Variants in APC observed in about 807,000 individuals in gnomAD.
APC encodes adenomatous polyposis coli protein.
Under a neutral mutation model 247.0 loss-of-function variants are expected in APC, and 72 were observed. The ratio of observed to expected loss-of-function variants is 0.29; its 90% CI spans 0.24 to 0.35. The LOEUF (loss-of-function observed/expected upper bound fraction) is 0.35. APC is among the 10% of genes least tolerant of loss of function. The probability of loss-of-function intolerance (pLI) is 1.00; values close to 1 mark genes in which losing one functional copy is unlikely to be tolerated. For missense variants in APC, 3,400 were observed against 3,360.7 expected (o/e 1.01, Z -0.29); for synonymous variants, 1,254 against 1,162.5 (o/e 1.08, Z -1.60).
At chr5:112,755,245 A>G (rs951108016) in intron 2 of APC, among the ~76,000 whole-genome samples, 2 of 152,242 alleles carry the variant, frequency 1.3e-5, no homozygotes, top group African/African-American at 4.8e-5. Context: ...TCCAATGGCT[A>G]GTTAGTTCTT....
At position 112,842,748 on chromosome 5, in the gene APC, C is replaced by T. The variant is rs1482227229; in HGVS notation, c.7154C>T (p.Ser2385Phe). ...AACCTTACCAAACAAACAGGTTTATCCAAGAATGCCAGTAGTATTCCAAGA... is the reference window on the plus strand; with the variant it reads ...AACCTTACCAAACAAACAGGTTTATTCAAGAATGCCAGTAGTATTCCAAGA... The part of the protein sequence containing the change: ...QQNLTKQTGL[S>F]KNASSIPRSE... Residue 2385 changes from serine to phenylalanine, a missense_variant, in exon 16 of 16, where the codon TCC (serine) becomes TTC (phenylalanine). This residue lies in a region of APC where 1,788 missense variants were observed against 1,649.5 expected (regional missense o/e 1.08). Coordinates refer to ENST00000257430, the MANE Select transcript of APC (RefSeq NM_000038.6). 1 of 1,613,926 alleles carries T rather than the reference C, an allele frequency of 6.2e-7. No homozygotes were observed. Among genetic ancestry groups the T allele is most frequent in the Admixed American group, 1.7e-5 (1 of 60,012 alleles).
intron 9 of APC, among the ~76,000 whole-genome samples, chr5:112,817,026 G>A (rs1227637632): frequency 6.6e-6 from 1 of 151,464 alleles, no homozygotes; most frequent in Non-Finnish European, 1.5e-5. Flanking sequence ...GTGCCACCAT[G>A]CCCGGCTAAT....
chr5:112,756,634 C>T (rs374360858), intron 2 of APC, among the ~76,000 whole-genome samples: 2 of 152,194 alleles, frequency 1.3e-5, no homozygotes, highest in South Asian at 2.1e-4. Flanking sequence ...ACTCTGAGAT[C>T]TCTTTTTTAA....
intron 4 of APC, among the ~76,000 whole-genome samples, chr5:112,774,726 C>T (rs1003430542): frequency 6.6e-6 from 1 of 152,006 alleles, no homozygotes; most frequent in African/African-American, 2.4e-5. Flanking sequence ...ATCCACCTGC[C>T]TCGGCTTCCC....
At chr5:112,794,930 C>T (rs1013045688) in intron 7 of APC, among the ~76,000 whole-genome samples, 11 of 152,122 alleles carry the variant, frequency 7.2e-5, no homozygotes, top group Non-Finnish European at 1.2e-4. Context: ...GGGGCAAGGC[C>T]TAAGGAAGGG....
chr5:112,724,900 T>G (rs1475266552), intron 1 of APC, among the ~76,000 whole-genome samples: 1 of 152,186 alleles, frequency 6.6e-6, no homozygotes. Context: ...GACTTTTACT[T>G]TGTCACTGTT....
chr5:112,838,255 T>A lies in APC; in HGVS notation c.2661T>A (p.Ile887=). The A allele has an allele frequency of 6.2e-7, 1 of 1,614,196 alleles. No homozygotes were observed. Among genetic ancestry groups the A allele is most frequent in the Non-Finnish European group, 8.5e-7 (1 of 1,180,040 alleles). Residue 887 remains isoleucine (I), a synonymous_variant, in exon 16 of 16, where the codon ATT becomes ATA. Transcript: ENST00000257430. Reference sequence around the variant, plus strand: ...AGATCTCCACCACTGCAGCCCAGATTGCCAAAGTCATGGAAGAAGTGTCAG... The same window carrying A: ...AGATCTCCACCACTGCAGCCCAGATAGCCAAAGTCATGGAAGAAGTGTCAG... The part of the protein sequence containing the change: ...GLQISTTAAQ[I]AKVMEEVSAI...
intron 1 of APC, among the ~76,000 whole-genome samples, chr5:112,753,178 G>A (rs897644305): frequency 6.6e-6 from 1 of 152,072 alleles, no homozygotes; most frequent in African/African-American, 2.4e-5. Flanking sequence ...GGTTTATAAT[G>A]TGCTGGGTAT....
chr5:112,719,543 T>TC (rs908652051), intron 1 of APC, among the ~76,000 whole-genome samples: 1 of 144,616 alleles, frequency 6.9e-6, no homozygotes, highest in Non-Finnish European at 1.5e-5. Flanking sequence ...TAATAATTCT[T>TC]TTTTTTTTTT....
chr5:112,738,510 A>G (rs1253166576), intron 1 of APC: 11 of 985,366 alleles, frequency 1.1e-5, no homozygotes, highest in Non-Finnish European at 1.3e-5. Flanking sequence ...ACTGGTCACC[A>G]GTAGTGTGCC....
rs1166730302 is a variant in APC at position 112,842,595 on chromosome 5, A to G, written c.7001A>G (p.Asn2334Ser). 1 of 1,613,834 alleles carries G rather than the reference A, an allele frequency of 6.2e-7. No homozygotes were observed. Residue 2334 changes from asparagine to serine, a missense_variant, in exon 16 of 16, where the codon AAT (asparagine) becomes AGT (serine). Transcript: ENST00000257430. ...CGAAACTCAATTTCCCCTGGTAGAA[A>G]TGGAATAAGTCCTCCTAACAAATTA... is the stretch of plus-strand genomic sequence containing the variant. ...PGRNSISPGR[N>S]GISPPNKLSQ... is the part of the protein sequence containing the mutation.
In APC at chr5:112,840,650, A is replaced by G; in HGVS notation, c.5056A>G (p.Lys1686Glu). Residue 1686 changes from lysine to glutamate, a missense_variant, in exon 16 of 16, where the codon AAA becomes GAA. By Grantham distance (56) the Lys-to-Glu change is moderately conservative. Around this residue, in one of 9 missense-constraint regions of APC, gnomAD observed 1,788 missense variants for 1,649.5 expected, o/e 1.08. Coordinates refer to ENST00000257430, the MANE Select transcript of APC (RefSeq NM_000038.6). The surrounding 1 kb of genome is among the most constrained non-coding windows in gnomAD (Gnocchi z 4.1). ...RGGAQSGEFEKRDTIPTEGRS... is the reference protein window; with the variant it reads ...RGGAQSGEFEERDTIPTEGRS... ...AGGGGCACAGTCAGGTGAATTTGAA[A>G]AACGAGATACCATTCCTACAGAAGG... is the stretch of plus-strand genomic sequence containing the variant. 4.3e-6 allele frequency: 7 copies of G among 1,614,022 alleles called. No homozygotes were observed. Among genetic ancestry groups the G allele is most frequent in the Non-Finnish European group, 5.9e-6 (7 of 1,179,948 alleles).
At chr5:112,799,310 A>T (rs1043798298) in intron 7 of APC, among the ~76,000 whole-genome samples, 1 of 151,972 alleles carries the variant, frequency 6.6e-6, no homozygotes, top group South Asian at 2.1e-4. Flanking sequence ...ATCCTCCCTC[A>T]GTATTACCTA....
Position 112,844,324 on chromosome 5 carries a change from G to A in APC, c.*198G>A, listed in dbSNP as rs935278419. On this transcript the variant is annotated 3_prime_UTR_variant, in exon 16 of 16. Transcript: ENST00000257430. ...TCTTATTTTGGGAGGCACTCTTGAT[G>A]GTTAGGAAAAAAATAGTAAAGCCAA... 1.7e-6 allele frequency: 1 copy of A among 588,806 alleles called. No homozygotes were observed. Among genetic ancestry groups the A allele is most frequent in the African/African-American group, 1.9e-5 (1 of 52,886 alleles). The allele number at this position is 588,806 out of a possible 1,614,324, so 36.5% of individuals were successfully genotyped here.
At chr5:112,745,175 A>T (rs1182359881) in intron 1 of APC, among the ~76,000 whole-genome samples, 1 of 152,206 alleles carries the variant, frequency 6.6e-6, no homozygotes, top group African/African-American at 2.4e-5. Flanking sequence ...AAACATTTTT[A>T]GTAAAATTTT....
rs786204093 is a variant in APC at position 112,841,356 on chromosome 5, G to T, written c.5762G>T (p.Gly1921Val). 6.2e-7 allele frequency: 1 copy of T among 1,613,790 alleles called. No homozygotes were observed. Among genetic ancestry groups the T allele is most frequent in the Non-Finnish European group, 8.5e-7 (1 of 1,179,776 alleles). The change falls in exon 16 of 16, where the codon GGT (glycine) becomes GTT (valine). Residue 1921 changes from glycine (G) to valine (V), a missense_variant. By Grantham distance (109) the Gly-to-Val change is moderately radical (BLOSUM62 -3). Transcript: ENST00000257430. The surrounding 1 kb of genome is among the most constrained non-coding windows in gnomAD (Gnocchi z 4.6). The part of the protein sequence containing the change: ...QAIAKQPINR[G>V]QPKPILQKQS... ...ATTGCAAAGCAGCCAATAAATCGAG[G>T]TCAGCCTAAACCCATACTTCAGAAA...
chr5:112,780,904 G>GT lies in APC; in HGVS notation c.645+2dup. The GT allele has an allele frequency of 6.3e-7, 1 of 1,589,336 alleles. No individual in the cohort carries two copies. Among genetic ancestry groups the GT allele is most frequent in the Non-Finnish European group, 8.6e-7 (1 of 1,158,912 alleles). On this transcript the variant is annotated splice_donor_variant, in intron 6 of 15. Coordinates refer to ENST00000257430, the MANE Select transcript of APC (RefSeq NM_000038.6). LOFTEE classifies it high-confidence loss of function. ...CCAGGATATGGAAAAACGAGCACAG[G>GT]TAAGTTACTTGTTTCTAAGTGATAA...
intron 2 of APC, 34 bp from the exon 3 acceptor site, chr5:112,766,292 A>T (rs768945895): frequency 7.1e-7 from 1 of 1,418,306 alleles, no homozygotes; most frequent in South Asian, 1.2e-5. Context: ...GTTATTTAGA[A>T]TTTCATGTTA....
chr5:112,820,177 G>A (rs1028256246), intron 10 of APC, among the ~76,000 whole-genome samples: 1 of 140,560 alleles, frequency 7.1e-6, no homozygotes, highest in Non-Finnish European at 1.5e-5. Flanking sequence ...CACCTGATAA[G>A]AACTGACACA....
Sources: allele counts gnomAD v4.1 joint callset (sites outside exome capture counted in the v4.1 genomes callset), GRCh38; gene constraint gnomAD v4.1.1; regional missense constraint gnomAD v4.1.1; non-coding constraint Gnocchi (gnomAD v3.1); transcripts MANE v1.5; gene names NCBI Gene and HGNC (gene_info 2026-07-23, HGNC 2026-07-21).